The following ROBO1 variants were observed in gnomAD, a reference collection of about 807,000 sequenced individuals.
ROBO1 encodes roundabout guidance receptor 1.
Under a neutral mutation model 195.9 loss-of-function variants are expected in ROBO1, and 149 were observed. The observed-to-expected ratio is 0.76, with a 90% CI of 0.67 to 0.87. ROBO1 has a LOEUF of 0.87. ROBO1 is among the 40% of genes least tolerant of loss of function. The probability of loss-of-function intolerance (pLI) is 0.00; values close to 1 mark genes in which losing one functional copy is unlikely to be tolerated. For synonymous variants in ROBO1, 816 were observed against 733.2 expected, an observed-to-expected ratio of 1.11 and a Z score of -1.82; for missense variants, 1,933 against 2,068.3, an observed-to-expected ratio of 0.93 and a Z score of 1.27.
At chr3:79,042,563 G>A (rs1187399805) in intron 3 of ROBO1, among the ~76,000 whole-genome samples, 1 of 152,092 alleles carries the variant, frequency 6.6e-6, no homozygotes, top group African/African-American at 2.4e-5. Flanking sequence ...TAAGTTGAGG[G>A]CACTGATGTT....
At chr3:79,487,809 C>A (rs1939242112) in intron 2 of ROBO1, among the ~76,000 whole-genome samples, 1 of 152,100 alleles carries the variant, frequency 6.6e-6, no homozygotes, top group African/African-American at 2.4e-5. Context: ...ATATACAACT[C>A]ATTTCTCAAG....
chr3:78,940,295 G>C lies in ROBO1; in HGVS notation c.173-1368C>G, dbSNP rs75053201. Among the ~76,000 whole-genome samples, 580 of 152,282 alleles carry C rather than the reference G, an allele frequency of 3.8e-3. 2 individuals carry two copies. The highest frequency in any genetic ancestry group is 0.014 in the African/African-American group (565 of 41,558). On this transcript the variant is annotated intron_variant, in intron 3 of 30. Coordinates refer to ENST00000464233, the MANE Select transcript of ROBO1 (RefSeq NM_002941.4). ...GTCCAACTACCGTCTCTTTCCACCA[G>C]GATGTAGGAAAGCCTGTGAAATAGT...
chr3:79,745,504 A>G (rs371913248), intron 1 of ROBO1, among the ~76,000 whole-genome samples: 17 of 152,206 alleles, frequency 1.1e-4, no homozygotes, highest in African/African-American at 3.9e-4. Context: ...GAATCAATAC[A>G]AAGGCGATAT....
intron 29 of ROBO1, among the ~76,000 whole-genome samples, chr3:78,606,028 C>T (rs142771128): frequency 8.1e-4 from 124 of 152,294 alleles, no homozygotes; most frequent in African/African-American, 2.8e-3. Context: ...TACTGGTTTC[C>T]AGTCTCTTCC....
intron 2 of ROBO1, among the ~76,000 whole-genome samples, chr3:79,442,988 T>C (rs1428047694): frequency 6.6e-6 from 1 of 152,194 alleles, no homozygotes; most frequent in Non-Finnish European, 1.5e-5. Context: ...GAAACAAACA[T>C]TCTATTAAGT....
At chr3:79,562,361 T>G (rs1001316569) in intron 2 of ROBO1, among the ~76,000 whole-genome samples, 2 of 152,086 alleles carry the variant, frequency 1.3e-5, no homozygotes, top group Admixed American at 1.3e-4. Context: ...CACAAATATT[T>G]GGATGTTAAC....
At chr3:78,825,815 C>T (rs2031542898) in intron 4 of ROBO1, among the ~76,000 whole-genome samples, 1 of 152,164 alleles carries the variant, frequency 6.6e-6, no homozygotes, top group South Asian at 2.1e-4. Flanking sequence ...TGTGCTGATA[C>T]TGTTCAATCT....
At chr3:78,711,427 CTT>C (rs1383205755) in intron 8 of ROBO1, among the ~76,000 whole-genome samples, 1 of 110,782 alleles carries the variant, frequency 9.0e-6, no homozygotes, top group Non-Finnish European at 1.8e-5. Context: ...TTCTTTCTTT[CTT>C]TCTTTCTTTC....
chr3:79,234,334 T>C lies in ROBO1; in HGVS notation c.89-108795A>G, dbSNP rs1458788326. 2.6e-5 allele frequency among the ~76,000 whole-genome samples: 4 copies of C among 152,264 alleles called. No homozygotes were observed. The South Asian group carries it at 8.3e-4, about 32-fold the overall frequency. ...TAGAGTTTGAGGTCTTACATTTAAA[T>C]CGTTAAGCCATCTTGAGTTACTTTT... On this transcript the variant is annotated intron_variant, in intron 2 of 30. Transcript: ENST00000464233.
At chr3:79,498,749 G>A (rs1020632998) in intron 2 of ROBO1, among the ~76,000 whole-genome samples, 6 of 151,908 alleles carry the variant, frequency 3.9e-5, no homozygotes, top group Non-Finnish European at 8.8e-5. Flanking sequence ...AGCTACTCGG[G>A]AGGCTGAGGC....
At chr3:79,578,974 G>A (rs1020730961) in intron 2 of ROBO1, among the ~76,000 whole-genome samples, 2 of 152,142 alleles carry the variant, frequency 1.3e-5, no homozygotes, top group Non-Finnish European at 2.9e-5. Flanking sequence ...GCTTTGAGGA[G>A]CTTGCGGATT....
At chr3:79,436,944 C>G (rs2038909048) in intron 2 of ROBO1, among the ~76,000 whole-genome samples, 2 of 152,056 alleles carry the variant, frequency 1.3e-5, no homozygotes, top group Admixed American at 1.3e-4. Flanking sequence ...TAGGATTCAT[C>G]TCTTTTATTT....
intron 2 of ROBO1, among the ~76,000 whole-genome samples, chr3:79,196,925 A>C (rs2081648163): frequency 6.6e-6 from 1 of 151,758 alleles, no homozygotes; most frequent in Admixed American, 6.6e-5. Flanking sequence ...ATTGGATGAT[A>C]TCATGTTTTT....
chr3:79,733,915 A>G (rs944528633), intron 1 of ROBO1, among the ~76,000 whole-genome samples: 1 of 151,692 alleles, frequency 6.6e-6, no homozygotes, highest in Non-Finnish European at 1.5e-5. Flanking sequence ...ACCTTATGAT[A>G]AGACTCACTA....
intron 3 of ROBO1, among the ~76,000 whole-genome samples, chr3:79,072,966 T>C (rs2079113525): frequency 6.6e-6 from 1 of 151,984 alleles, no homozygotes; most frequent in African/African-American, 2.4e-5. Context: ...TGATAAATTC[T>C]ATGGAGAGAT....
intron 1 of ROBO1, among the ~76,000 whole-genome samples, chr3:79,746,053 G>T (rs1020075764): frequency 3.3e-5 from 5 of 152,082 alleles, no homozygotes; most frequent in African/African-American, 1.2e-4. Context: ...AAGGGAAAGT[G>T]AATAATTGAG....
At chr3:79,472,263 T>C (rs1367828921) in intron 2 of ROBO1, among the ~76,000 whole-genome samples, 2 of 152,112 alleles carry the variant, frequency 1.3e-5, no homozygotes, top group Admixed American at 6.6e-5. Context: ...TCCTGCCCAA[T>C]GTCACACTTC....
intron 2 of ROBO1, among the ~76,000 whole-genome samples, chr3:79,550,064 G>C (rs1424955931): frequency 6.6e-6 from 1 of 151,550 alleles, no homozygotes; most frequent in Non-Finnish European, 1.5e-5. Flanking sequence ...CTTCAAGGTT[G>C]CAGTGAGCTG....
intron 3 of ROBO1, among the ~76,000 whole-genome samples, chr3:78,967,749 T>A (rs1330780351): frequency 6.6e-6 from 1 of 152,138 alleles, no homozygotes; most frequent in Non-Finnish European, 1.5e-5. Flanking sequence ...ATAAATCTAA[T>A]AAAAATATTT....
Sources: allele counts gnomAD v4.1 joint callset (sites outside exome capture counted in the v4.1 genomes callset), GRCh38; gene constraint gnomAD v4.1.1; transcripts MANE v1.5; gene names NCBI Gene and HGNC (gene_info 2026-07-23, HGNC 2026-07-21).